Variants in FRS2 observed in about 807,000 individuals in gnomAD.
The protein encoded by FRS2 is fibroblast growth factor receptor substrate 2, also known as FGFR signalling adaptor.
A neutral mutation model predicts 43.9 loss-of-function variants in FRS2; 8 were observed. The ratio of observed to expected loss-of-function variants is 0.18; its 90% CI spans 0.11 to 0.33. The LOEUF is 0.33. Among genes scored for constraint, FRS2 ranks in the 10% least tolerant of loss-of-function variants. The probability of loss-of-function intolerance (pLI) is 1.00; values close to 1 mark genes in which losing one functional copy is unlikely to be tolerated. For missense variants in FRS2, 534 were observed against 627.6 expected (o/e 0.85, Z 1.59); for synonymous variants, 219 against 220.3 (o/e 0.99, Z 0.05).
chr12:69,478,776 A>C (rs1871089379), intron 1 of FRS2, among the ~76,000 whole-genome samples: 2 of 151,270 alleles, frequency 1.3e-5, no homozygotes. Flanking sequence ...AGAATTATAT[A>C]ATGAACTACC....
At chr12:69,557,032 T>C (rs771940496) in intron 3 of FRS2, among the ~76,000 whole-genome samples, 34 of 152,236 alleles carry the variant, frequency 2.2e-4, no homozygotes, top group Admixed American at 6.5e-4. Context: ...TTGGCATTTA[T>C]TTGGGAAATA....
intron 1 of FRS2, among the ~76,000 whole-genome samples, chr12:69,472,424 CTG>C (rs1487506059): frequency 6.6e-6 from 1 of 152,044 alleles, no homozygotes; most frequent in Non-Finnish European, 1.5e-5. Context: ...TAGATAGAAA[CTG>C]TAGCTTCTTC....
intron 4 of FRS2, among the ~76,000 whole-genome samples, chr12:69,566,343 G>A (rs1880293372): frequency 6.6e-6 from 1 of 152,036 alleles, no homozygotes; most frequent in Non-Finnish European, 1.5e-5. Context: ...TTCACAAGGA[G>A]GTCGGGGAGA....
intron 1 of FRS2, among the ~76,000 whole-genome samples, chr12:69,478,481 T>C: frequency 6.6e-6 from 1 of 152,156 alleles, no homozygotes; most frequent in Admixed American, 6.6e-5. Flanking sequence ...CTCTATAAGG[T>C]TAGGAAGACG....
chr12:69,532,716 C>T (rs922678580), intron 3 of FRS2, among the ~76,000 whole-genome samples: 1 of 152,162 alleles, frequency 6.6e-6, no homozygotes, highest in African/African-American at 2.4e-5. Context: ...ATTCACACAT[C>T]TGCTGAAAGT....
intron 3 of FRS2, among the ~76,000 whole-genome samples, chr12:69,534,425 A>G (rs1877083090): frequency 6.6e-6 from 1 of 152,248 alleles, no homozygotes; most frequent in Non-Finnish European, 1.5e-5. Flanking sequence ...GCCACGTAAC[A>G]AAAGTGCTGA....
At chr12:69,552,846 C>T (rs930919440) in intron 3 of FRS2, among the ~76,000 whole-genome samples, 2 of 151,252 alleles carry the variant, frequency 1.3e-5, no homozygotes, top group Non-Finnish European at 2.9e-5. Context: ...GAGCCAAGAT[C>T]GCACTGTTGC....
chr12:69,554,138 T>A (rs1419895206), intron 3 of FRS2, among the ~76,000 whole-genome samples: 1 of 152,248 alleles, frequency 6.6e-6, no homozygotes, highest in Non-Finnish European at 1.5e-5. Context: ...GTATGTAGTC[T>A]GCTTTTGGGC....
chr12:69,547,830 CTTTTTTTT>C (rs71094722), intron 3 of FRS2, among the ~76,000 whole-genome samples: 3 of 102,776 alleles, frequency 2.9e-5, no homozygotes, highest in East Asian at 3.4e-4. Context: ...TCCATTAATA[CTTTTTTTT>C]TTTTTTTTTT....
At chr12:69,490,329 TG>T (rs1872359834) in intron 1 of FRS2, among the ~76,000 whole-genome samples, 1 of 152,172 alleles carries the variant, frequency 6.6e-6, no homozygotes, top group Non-Finnish European at 1.5e-5. Flanking sequence ...TTACATTTCT[TG>T]AGTTTTAATG....
At chr12:69,559,070 GGAGGCT>G (rs1211557447) in intron 3 of FRS2, among the ~76,000 whole-genome samples, 1 of 152,144 alleles carries the variant, frequency 6.6e-6, no homozygotes, top group East Asian at 1.9e-4. Context: ...CAGCACTTTG[GGAGGCT>G]GAAGTGGGAG....
At chr12:69,472,707 A>G (rs1384148209) in intron 1 of FRS2, among the ~76,000 whole-genome samples, 1 of 152,248 alleles carries the variant, frequency 6.6e-6, no homozygotes, top group Non-Finnish European at 1.5e-5. Context: ...GCTATTTGCT[A>G]TGCTATGTTA....
At chr12:69,494,923 A>C (rs1268615946) in intron 1 of FRS2, among the ~76,000 whole-genome samples, 1 of 151,986 alleles carries the variant, frequency 6.6e-6, no homozygotes, top group Admixed American at 6.6e-5. Context: ...ATAGACGCCC[A>C]CCATCACGCC....
chr12:69,515,936 A>C (rs1337131365), intron 1 of FRS2, among the ~76,000 whole-genome samples: 1 of 150,054 alleles, frequency 6.7e-6, no homozygotes, highest in East Asian at 2.0e-4. Flanking sequence ...AGAAATAAAC[A>C]AGAACTGTTA....
chr12:69,511,958 CA>C (rs553839486), intron 1 of FRS2, among the ~76,000 whole-genome samples: 13 of 152,248 alleles, frequency 8.5e-5, no homozygotes, highest in African/African-American at 3.1e-4. Flanking sequence ...CAGTCTCAAC[CA>C]GGGATGACAG....
chr12:69,564,535 C>A (rs1257772305), intron 4 of FRS2, among the ~76,000 whole-genome samples: 1 of 151,982 alleles, frequency 6.6e-6, no homozygotes, highest in African/African-American at 2.4e-5. Context: ...GGTAATAGAC[C>A]CCTGGCACCC....
intron 1 of FRS2, among the ~76,000 whole-genome samples, chr12:69,526,018 C>T (rs1876187088): frequency 6.6e-6 from 1 of 152,086 alleles, no homozygotes; most frequent in South Asian, 2.1e-4. Flanking sequence ...CACCACCACA[C>T]CCGGCTAATT....
At chr12:69,481,854 A>C (rs1871370355) in intron 1 of FRS2, among the ~76,000 whole-genome samples, 1 of 152,186 alleles carries the variant, frequency 6.6e-6, no homozygotes. Context: ...TCAGATTATC[A>C]CATCTGGAGA....
intron 1 of FRS2, among the ~76,000 whole-genome samples, chr12:69,476,599 G>A (rs191128708): frequency 2.6e-5 from 4 of 152,198 alleles, no homozygotes; most frequent in African/African-American, 9.6e-5. Context: ...AGCACTGTGC[G>A]TAATGGGTTA....
Sources: allele counts gnomAD v4.1 joint callset (sites outside exome capture counted in the v4.1 genomes callset), GRCh38; gene constraint gnomAD v4.1.1; transcripts MANE v1.5; gene names NCBI Gene and HGNC (gene_info 2026-07-23, HGNC 2026-07-21).